The following DOCK3 variants were observed in gnomAD, a reference collection of about 807,000 sequenced individuals.
DOCK3 encodes the protein dedicator of cytokinesis 3, also known as dedicator of cytokinesis protein 3.
A neutral mutation model predicts 265.6 loss-of-function variants in DOCK3; 60 were observed. That is an observed-to-expected ratio of 0.23 (90% CI 0.18 to 0.28). The LOEUF is 0.28. Ranked by LOEUF, DOCK3 falls within the 10% of genes least tolerant of loss-of-function variation. The pLI is 1.00. For synonymous variants in DOCK3, 881 were observed against 938.0 expected (o/e 0.94, Z 1.11); for missense variants, 1,981 against 2,594.3 (o/e 0.76, Z 5.14).
chr3:51,060,747 G>A (rs943588793), intron 5 of DOCK3, among the ~76,000 whole-genome samples: 3 of 152,040 alleles, frequency 2.0e-5, no homozygotes, highest in African/African-American at 7.2e-5. Context: ...TGTTCCATTG[G>A]TCTATATCTC....
intron 5 of DOCK3, among the ~76,000 whole-genome samples, chr3:50,977,240 G>C (rs1196732241): frequency 1.6e-4 from 25 of 151,930 alleles, no homozygotes; most frequent in African/African-American, 5.3e-4. Flanking sequence ...TCCTAGTCTC[G>C]ATGGTCTTTA....
intron 5 of DOCK3, among the ~76,000 whole-genome samples, chr3:51,027,613 G>A (rs1477553721): frequency 6.6e-6 from 1 of 151,964 alleles, no homozygotes; most frequent in Non-Finnish European, 1.5e-5. Flanking sequence ...TTATAAATCT[G>A]GGTGCTTTGT....
intron 1 of DOCK3, among the ~76,000 whole-genome samples, chr3:50,732,751 C>A (rs79132804): frequency 0.019 from 2,837 of 152,152 alleles, 101 homozygotes; most frequent in African/African-American, 0.065. Flanking sequence ...CTCTAATGAA[C>A]ATTTGGCAAA....
chr3:51,116,237 G>A (rs1017322987), intron 9 of DOCK3, among the ~76,000 whole-genome samples: 1 of 151,950 alleles, frequency 6.6e-6, no homozygotes, highest in Admixed American at 6.6e-5. Context: ...AGATCATGAT[G>A]TCAGGAGATC....
chr3:51,217,934 A>G (rs1043642174), intron 14 of DOCK3, among the ~76,000 whole-genome samples: 6 of 151,916 alleles, frequency 3.9e-5, no homozygotes, highest in Admixed American at 2.6e-4. Flanking sequence ...CCTGGCCAAC[A>G]TGGTGAAACC....
At chr3:50,975,807 C>T (rs1339324811) in intron 5 of DOCK3, among the ~76,000 whole-genome samples, 2 of 151,646 alleles carry the variant, frequency 1.3e-5, no homozygotes, top group African/African-American at 2.4e-5. Flanking sequence ...TTGATTATTG[C>T]CACAATTTCA....
intron 32 of DOCK3, among the ~76,000 whole-genome samples, chr3:51,326,766 C>T (rs1377787867): frequency 2.0e-5 from 3 of 151,736 alleles, no homozygotes; most frequent in South Asian, 2.1e-4. Flanking sequence ...GGATTACAGG[C>T]GTGCACCACC....
intron 27 of DOCK3, among the ~76,000 whole-genome samples, chr3:51,300,409 T>C (rs939681396): frequency 6.6e-6 from 1 of 152,204 alleles, no homozygotes. Context: ...TCTTGCCTGA[T>C]TGCCCTGGCC....
intron 5 of DOCK3, among the ~76,000 whole-genome samples, chr3:50,934,820 G>A (rs566663458): frequency 6.6e-6 from 1 of 152,058 alleles, no homozygotes; most frequent in Non-Finnish European, 1.5e-5. Flanking sequence ...GTGATAAGAT[G>A]TAGAAATAAT....
chr3:50,810,396 C>G (rs2043675180), intron 2 of DOCK3, among the ~76,000 whole-genome samples: 1 of 151,946 alleles, frequency 6.6e-6, no homozygotes, highest in Admixed American at 6.6e-5. Context: ...ACTAAAAACA[C>G]AAAAATTAGC....
intron 27 of DOCK3, among the ~76,000 whole-genome samples, chr3:51,287,253 AAGATACTATCTG>A (rs1292576748): frequency 6.6e-6 from 1 of 152,214 alleles, no homozygotes; most frequent in African/African-American, 2.4e-5. Flanking sequence ...AAACCACAGC[AAGATACTATCTG>A]AGACCACTCA....
intron 9 of DOCK3, among the ~76,000 whole-genome samples, chr3:51,125,988 A>C (rs1021311529): frequency 6.6e-6 from 1 of 152,238 alleles, no homozygotes; most frequent in East Asian, 1.9e-4. Context: ...TTCAGTTTAC[A>C]TAGTAAATAA....
intron 3 of DOCK3, among the ~76,000 whole-genome samples, chr3:50,873,987 A>G (rs1213445430): frequency 6.7e-6 from 1 of 150,178 alleles, no homozygotes; most frequent in Non-Finnish European, 1.5e-5. Context: ...TCAGTAATGT[A>G]AAGTTAAAAT....
At chr3:51,354,504 T>C (rs1405148251) in intron 40 of DOCK3, among the ~76,000 whole-genome samples, 1 of 152,336 alleles carries the variant, frequency 6.6e-6, no homozygotes, top group East Asian at 1.9e-4. Flanking sequence ...GTTGTCACGG[T>C]ACCCACATAG....
chr3:50,904,309 C>T (rs2049358590), intron 4 of DOCK3, among the ~76,000 whole-genome samples: 1 of 152,296 alleles, frequency 6.6e-6, no homozygotes, highest in Non-Finnish European at 1.5e-5. Context: ...GATGGTATTT[C>T]TAGTTCTAGA....
At chr3:50,959,940 T>G (rs1370599464) in intron 5 of DOCK3, among the ~76,000 whole-genome samples, 1 of 152,228 alleles carries the variant, frequency 6.6e-6, no homozygotes, top group Non-Finnish European at 1.5e-5. Context: ...TGTTTCTTTC[T>G]GTGTCTGGCT....
intron 9 of DOCK3, among the ~76,000 whole-genome samples, chr3:51,129,376 CT>C (rs1324489553): frequency 6.6e-6 from 1 of 152,208 alleles, no homozygotes; most frequent in Non-Finnish European, 1.5e-5. Context: ...TCCTGGGGCA[CT>C]CCCCATGAGG....
chr3:51,366,588 C>T (rs2087193594), intron 49 of DOCK3, among the ~76,000 whole-genome samples: 1 of 152,134 alleles, frequency 6.6e-6, no homozygotes, highest in Non-Finnish European at 1.5e-5. Context: ...GTTAGGGTGT[C>T]AATTTTAGAT....
chr3:50,850,107 G>A (rs116739049), intron 3 of DOCK3, among the ~76,000 whole-genome samples: 5,236 of 151,282 alleles, frequency 0.035, 137 homozygotes, highest in Non-Finnish European at 0.055. Context: ...TTGGCTGGGC[G>A]TGGTGGCTCA....
Sources: allele counts gnomAD v4.1 joint callset (sites outside exome capture counted in the v4.1 genomes callset), GRCh38; gene constraint gnomAD v4.1.1; transcripts MANE v1.5; gene names NCBI Gene and HGNC (gene_info 2026-07-23, HGNC 2026-07-21).